The following CADPS2 variants were observed in gnomAD, a reference collection of about 807,000 sequenced individuals.
The protein encoded by CADPS2 is calcium dependent secretion activator 2, also known as calcium-dependent secretion activator 2.
Under a neutral mutation model 172.5 loss-of-function variants are expected in CADPS2, and 93 were observed. The observed-to-expected ratio is 0.54, with a 90% CI of 0.46 to 0.64. The LOEUF is 0.64. Ranked by LOEUF, CADPS2 falls within the 30% of genes least tolerant of loss-of-function variation. CADPS2 has a pLI of 0.00. For synonymous variants in CADPS2, 546 were observed against 555.2 expected, an observed-to-expected ratio of 0.98 and a Z score of 0.23; for missense variants, 1,420 against 1,565.9, an observed-to-expected ratio of 0.91 and a Z score of 1.57.
chr7:122,336,792 GAGAGC>G (rs2035925314), intron 28 of CADPS2, among the ~76,000 whole-genome samples: 1 of 152,194 alleles, frequency 6.6e-6, no homozygotes, highest in African/African-American at 2.4e-5. Flanking sequence ...CCATTGGTAA[GAGAGC>G]TTAGGTGATC....
At chr7:122,596,885 T>G (rs2071881380) in intron 6 of CADPS2, among the ~76,000 whole-genome samples, 1 of 151,908 alleles carries the variant, frequency 6.6e-6, no homozygotes, top group South Asian at 2.1e-4. Flanking sequence ...AGAAAAAAAT[T>G]TATCTGGGTC....
chr7:122,785,409 A>C (rs2139517873), intron 1 of CADPS2, among the ~76,000 whole-genome samples: 1 of 152,220 alleles, frequency 6.6e-6, no homozygotes, highest in African/African-American at 2.4e-5. Flanking sequence ...TCTGTGGTTT[A>C]TTTAGTTTAA....
At chr7:122,729,099 T>C (rs1484746966) in intron 2 of CADPS2, among the ~76,000 whole-genome samples, 1 of 151,820 alleles carries the variant, frequency 6.6e-6, no homozygotes, top group Non-Finnish European at 1.5e-5. Flanking sequence ...ATTCTACATA[T>C]GAGGGAAATC....
intron 1 of CADPS2, among the ~76,000 whole-genome samples, chr7:122,820,688 T>G (rs936893044): frequency 7.6e-6 from 1 of 131,054 alleles, no homozygotes; most frequent in Non-Finnish European, 1.6e-5. Context: ...GCCTCCCGAG[T>G]AGCTGGGACT....
At chr7:122,705,796 A>T (rs1323054596) in intron 2 of CADPS2, among the ~76,000 whole-genome samples, 1 of 20,338 alleles carries the variant, frequency 4.9e-5, no homozygotes, top group African/African-American at 1.3e-4. Context: ...TATCATATAT[A>T]ATATAATATA....
At chr7:122,519,925 A>G (rs2060653712) in intron 8 of CADPS2, among the ~76,000 whole-genome samples, 1 of 152,024 alleles carries the variant, frequency 6.6e-6, no homozygotes, top group African/African-American at 2.4e-5. Flanking sequence ...CAAGGCAAAT[A>G]GTATATTTTA....
chr7:122,415,601 CAAAAAAA>C (rs549530021), intron 18 of CADPS2, among the ~76,000 whole-genome samples: 1,278 of 64,968 alleles, frequency 0.02, 11 homozygotes, highest in African/African-American at 0.03. Flanking sequence ...AATACAGAAC[CAAAAAAA>C]AAAAAAAAAA....
chr7:122,329,257 A>G (rs536878308), intron 28 of CADPS2, among the ~76,000 whole-genome samples: 2 of 152,270 alleles, frequency 1.3e-5, no homozygotes, highest in African/African-American at 4.8e-5. Context: ...TGCAGTCTGA[A>G]TGGCTGGCAT....
At chr7:122,764,778 G>A (rs951771460) in intron 1 of CADPS2, among the ~76,000 whole-genome samples, 15 of 152,060 alleles carry the variant, frequency 9.9e-5, no homozygotes, top group African/African-American at 3.6e-4. Flanking sequence ...AAGGCCCAGA[G>A]AAGGAAATGT....
At chr7:122,844,905 T>TA (rs11378013) in intron 1 of CADPS2, among the ~76,000 whole-genome samples, 30,718 of 147,200 alleles carry the variant, frequency 0.21, 3,818 homozygotes, top group African/African-American at 0.36. Context: ...TGAAAAAAGG[T>TA]AAAAAAAAAA....
intron 2 of CADPS2, among the ~76,000 whole-genome samples, chr7:122,722,714 A>G (rs1269068766): frequency 1.7e-5 from 2 of 119,908 alleles, no homozygotes; most frequent in East Asian, 4.9e-4. Context: ...AAGAGCCTGC[A>G]TTGCCAAGAC....
rs1254278045 is a variant in CADPS2 at position 122,491,403 on chromosome 7, A to G, written c.1560T>C (p.Phe520=). ...TCTTTTCTCTATAACTGCACATAGC[A>G]AAGGTATATTGGCTAACCTGCTCGA... The part of the protein sequence containing the change: ...FVLVQVSQYT[F]AMCSYREKKS... The change falls in exon 10 of 30, where the codon TTT becomes TTC. Residue 520 remains phenylalanine, a synonymous_variant. Coordinates refer to ENST00000449022, the MANE Select transcript of CADPS2 (RefSeq NM_017954.11). The G allele has an allele frequency of 4.4e-6, 7 of 1,607,978 alleles. No homozygotes were observed. Among genetic ancestry groups the G allele is most frequent in the Non-Finnish European group, 5.9e-6 (7 of 1,176,482 alleles).
At chr7:122,794,935 C>T (rs1329912343) in intron 1 of CADPS2, among the ~76,000 whole-genome samples, 1 of 151,928 alleles carries the variant, frequency 6.6e-6, no homozygotes, top group Admixed American at 6.6e-5. Context: ...AACAAAGATA[C>T]AACATACCAG....
At chr7:122,797,986 GT>G (rs1796767926) in intron 1 of CADPS2, among the ~76,000 whole-genome samples, 2 of 150,984 alleles carry the variant, frequency 1.3e-5, no homozygotes, top group African/African-American at 4.9e-5. Context: ...TTTGTGTCAA[GT>G]TTTTTTGTGC....
At chr7:122,491,273 T>C (rs372342096) in intron 10 of CADPS2, 39 bp downstream of exon 10, 2 of 1,331,766 alleles carry the variant, frequency 1.5e-6, no homozygotes, top group African/African-American at 1.5e-5. Context: ...ATTCCATGCA[T>C]ACATACATGG....
At chr7:122,599,723 C>G (rs2072459426) in intron 6 of CADPS2, among the ~76,000 whole-genome samples, 1 of 151,984 alleles carries the variant, frequency 6.6e-6, no homozygotes, top group African/African-American at 2.4e-5. Flanking sequence ...TCTTTGTATT[C>G]TTTCACAGGT....
intron 1 of CADPS2, among the ~76,000 whole-genome samples, chr7:122,739,606 T>G (rs1234185034): frequency 6.6e-6 from 1 of 152,158 alleles, no homozygotes; most frequent in East Asian, 1.9e-4. Context: ...GCTTCAATAT[T>G]TTTATGAATA....
chr7:122,404,150 AC>A (rs2046324707), intron 20 of CADPS2, among the ~76,000 whole-genome samples: 4 of 143,852 alleles, frequency 2.8e-5, no homozygotes, highest in African/African-American at 1.0e-4. Context: ...CCCTCTCCCC[AC>A]CCCATAACAG....
chr7:122,681,030 C>CA (rs2082969673), intron 2 of CADPS2, among the ~76,000 whole-genome samples: 1 of 149,584 alleles, frequency 6.7e-6, no homozygotes, highest in African/African-American at 2.5e-5. Flanking sequence ...ATCGCAAGAA[C>CA]AAAAAACCAA....
Sources: allele counts gnomAD v4.1 joint callset (sites outside exome capture counted in the v4.1 genomes callset), GRCh38; gene constraint gnomAD v4.1.1; transcripts MANE v1.5; gene names NCBI Gene and HGNC (gene_info 2026-07-23, HGNC 2026-07-21).